Variants in FANCA observed in about 807,000 individuals in gnomAD.
The protein encoded by FANCA is Fanconi anemia group A protein.
Under a neutral mutation model 194.3 loss-of-function variants are expected in FANCA, and 236 were observed. The observed-to-expected ratio is 1.21, with a 90% CI of 1.09 to 1.35. The LOEUF is 1.35. Among genes scored for constraint, FANCA ranks in the 40% most tolerant of loss-of-function variants. The pLI is 0.00. For missense variants in FANCA, 2,628 were observed against 1,813.9 expected (o/e 1.45, Z -8.15); for synonymous variants, 1,014 against 715.8 (o/e 1.42, Z -6.65).
chr16:89,784,870 G>T lies in FANCA; in HGVS notation c.1454C>A (p.Ser485Tyr), dbSNP rs760790832. 4 of 1,613,620 alleles carry T rather than the reference G, an allele frequency of 2.5e-6. No homozygotes were observed. The East Asian group carries it at 6.7e-5, about 27-fold the overall frequency. ...GCTTCTCACCTGCAGGTACCGGGGA[G>T]ACTCAAAAGGCACGAGTTCTGACAA... Reference protein sequence around the residue: ...TFLSELVPFESPRYLQVHILH... With the variant: ...TFLSELVPFEYPRYLQVHILH... Residue 485 changes from serine (S) to tyrosine (Y), a missense_variant, in exon 15 of 43, where the codon TCT becomes TAT. Coordinates refer to ENST00000389301, the MANE Select transcript of FANCA (RefSeq NM_000135.4).
At chr16:89,798,002 T>C (rs1485207528) in intron 10 of FANCA, among the ~76,000 whole-genome samples, 2 of 152,156 alleles carry the variant, frequency 1.3e-5, no homozygotes, top group East Asian at 1.9e-4. Flanking sequence ...AGTAATCTTA[T>C]CACACAGATT....
At chr16:89,758,255 G>A (rs948318394) in intron 30 of FANCA, among the ~76,000 whole-genome samples, 1 of 152,186 alleles carries the variant, frequency 6.6e-6, no homozygotes. Context: ...TATGTGATAG[G>A]CTCAAGTGTA....
intron 21 of FANCA, 50 bp downstream of exon 21, chr16:89,775,692 A>G (rs1012117538): frequency 6.7e-7 from 1 of 1,485,908 alleles, no homozygotes; most frequent in Non-Finnish European, 9.3e-7. Context: ...CAAGGTTAGG[A>G]AAATGGAAAA....
intron 20 of FANCA, 28 bp downstream of exon 20, chr16:89,778,773 T>A (rs1377741240): frequency 2.5e-6 from 4 of 1,605,838 alleles, no homozygotes; most frequent in Non-Finnish European, 3.4e-6. Flanking sequence ...CTGGAAGTAG[T>A]CATCCCCTTC....
Position 89,767,207 on chromosome 16 carries a change from G to C in FANCA, c.2535C>G (p.Leu845=), listed in dbSNP as rs1362752790. 6.2e-7 allele frequency: 1 copy of C among 1,613,540 alleles called. No individual in the cohort carries two copies. Among genetic ancestry groups the C allele is most frequent in the Non-Finnish European group, 8.5e-7 (1 of 1,179,480 alleles). The part of the protein sequence containing the change: ...KFCTAAISYS[L]CKFSSQSRDT... ...CTCGTGACTGGGAAGAAAACTTGCAGAGAGAGTAAGAAATTGCTGCTGTAC... is the reference window on the plus strand; with the variant it reads ...CTCGTGACTGGGAAGAAAACTTGCACAGAGAGTAAGAAATTGCTGCTGTAC... Residue 845 remains leucine, a synonymous_variant, in exon 27 of 43, where the codon CTC becomes CTG. Transcript: ENST00000389301.
chr16:89,761,928 G>A (rs374172777), intron 29 of FANCA, 21 bp downstream of exon 29: 10 of 1,604,016 alleles, frequency 6.2e-6, no homozygotes, highest in Middle Eastern at 1.6e-4. Context: ...CCTGGCCAGG[G>A]TAGCTCTTTT....
Position 89,738,152 on chromosome 16 carries a change from A to G in FANCA, c.*449T>C, listed in dbSNP as rs745653812. 21 of 1,613,516 alleles carry G rather than the reference A, an allele frequency of 1.3e-5. No homozygotes were observed. Among genetic ancestry groups the G allele is most frequent in the Non-Finnish European group, 1.8e-5 (21 of 1,179,984 alleles). On this transcript the variant is annotated 3_prime_UTR_variant, in exon 43 of 43. Transcript: ENST00000389301. ...GTGCACCCGCTGACACAGACCCAGG[A>G]CAAGGCCCTGCCCCTGGAGGCGGAA...
intron 5 of FANCA, among the ~76,000 whole-genome samples, chr16:89,809,705 T>C (rs565947596): frequency 6.6e-6 from 1 of 151,556 alleles, no homozygotes; most frequent in East Asian, 2.0e-4. Context: ...CAAAAAAAAT[T>C]AGCCAGGCAT....
At chr16:89,799,484 G>C in intron 9 of FANCA, 121 bp downstream of exon 9, 1 of 1,069,562 alleles carries the variant, frequency 9.3e-7, no homozygotes. Context: ...CCAGTACCAG[G>C]ACTCTGCACA....
At position 89,738,954 on chromosome 16, in the gene FANCA, T is replaced by C. The variant is rs1441175300; in HGVS notation, c.4188A>G (p.Ile1396Met). The C allele has an allele frequency of 3.1e-6, 5 of 1,614,242 alleles. No homozygotes were observed. In the East Asian group the frequency reaches 8.9e-5, roughly 29 times the overall value. The change falls in exon 42 of 43, where the codon ATA becomes ATG. Residue 1396 changes from isoleucine to methionine, a missense_variant. Transcript: ENST00000389301. Reference protein sequence around the residue: ...LKGQGNPVELITKARLFLLQL... With the variant: ...LKGQGNPVELMTKARLFLLQL... ...GCAGCAGAAAAAGACGAGCTTTTGT[T>C]ATCAGTTCCACGGGGTTGCCCTAGA...
At chr16:89,753,603 AG>A (rs2038671843) in intron 30 of FANCA, among the ~76,000 whole-genome samples, 1 of 152,264 alleles carries the variant, frequency 6.6e-6, no homozygotes, top group African/African-American at 2.4e-5. Context: ...TCAATCAACC[AG>A]GAACAAAGGA....
Position 89,738,140 on chromosome 16 carries a change from C to T in FANCA, c.*461G>A. ...CACATGTCCATGGTGCACCCGCTGA[C>T]ACAGACCCAGGACAAGGCCCTGCCC... is the stretch of plus-strand genomic sequence containing the variant. On this transcript the variant is annotated 3_prime_UTR_variant, in exon 43 of 43. Coordinates refer to ENST00000389301, the MANE Select transcript of FANCA (RefSeq NM_000135.4). 1.9e-6 allele frequency: 3 copies of T among 1,613,690 alleles called. No homozygotes were observed. The highest frequency in any genetic ancestry group is 2.5e-6 in the Non-Finnish European group (3 of 1,180,002).
intron 21 of FANCA, among the ~76,000 whole-genome samples, chr16:89,774,029 A>C (rs1008212774): frequency 1.3e-5 from 2 of 152,130 alleles, no homozygotes; most frequent in African/African-American, 4.8e-5. Context: ...TTGGCCTCTC[A>C]AAGTGCTGGG....
At position 89,740,061 on chromosome 16, in the gene FANCA, T is replaced by C; in HGVS notation, c.3867A>G (p.Ala1289=). Residue 1289 remains alanine, a synonymous_variant, in exon 39 of 43, where the codon GCA becomes GCG. Transcript: ENST00000389301. ...TDLPKAFHVC[A]AILECLEKRK... is the part of the protein sequence containing the mutation. Reference sequence around the variant, plus strand: ...TCTTCTCTAAACACTCGAGGATTGCTGCACAAACGTGGAAAGCCTTTGGCA... The same window carrying C: ...TCTTCTCTAAACACTCGAGGATTGCCGCACAAACGTGGAAAGCCTTTGGCA... 1 of 1,614,210 alleles carries C rather than the reference T, an allele frequency of 6.2e-7. No individual in the cohort carries two copies. The highest frequency in any genetic ancestry group is 2.2e-5 in the East Asian group (1 of 44,880).
At chr16:89,781,134 G>T (rs1463738012) in intron 17 of FANCA, among the ~76,000 whole-genome samples, 1 of 151,936 alleles carries the variant, frequency 6.6e-6, no homozygotes, top group African/African-American at 2.4e-5. Context: ...AGAGACCGAG[G>T]CAGACGGATC....
intron 29 of FANCA, 90 bp downstream of exon 29, chr16:89,761,859 C>G: frequency 9.7e-7 from 1 of 1,033,000 alleles, no homozygotes; most frequent in Middle Eastern, 2.0e-4. Context: ...CTCCTGGATT[C>G]AAGAGATCTC....
At chr16:89,773,222 C>T in intron 22 of FANCA, 49 bp downstream of exon 22, 4 of 1,435,666 alleles carry the variant, frequency 2.8e-6, no homozygotes, top group Non-Finnish European at 3.8e-6. Context: ...AGAGCTCCAA[C>T]CACAGGCTGC....
intron 36 of FANCA, among the ~76,000 whole-genome samples, chr16:89,743,871 T>C (rs932716619): frequency 6.6e-6 from 1 of 152,088 alleles, no homozygotes; most frequent in African/African-American, 2.4e-5. Flanking sequence ...TGATCTGTGT[T>C]TGTAGAATTA....
intron 17 of FANCA, among the ~76,000 whole-genome samples, chr16:89,780,950 T>G (rs1322696750): frequency 6.6e-6 from 1 of 151,936 alleles, no homozygotes; most frequent in Non-Finnish European, 1.5e-5. Flanking sequence ...AAAAAGTAAT[T>G]TATAAACAGC....
Sources: gnomAD v4.1 joint callset for allele counts (sites outside exome capture counted in the v4.1 genomes callset) on GRCh38, gnomAD v4.1.1 for gene constraint, MANE v1.5 for transcripts, NCBI Gene and HGNC (gene_info 2026-07-23, HGNC 2026-07-21) for gene names.